SMYD3: variants seen among roughly 807,000 people sequenced by gnomAD.
The protein encoded by SMYD3 is SET and MYND domain containing 3, also known as histone-lysine N-methyltransferase SMYD3.
A neutral mutation model predicts 57.7 loss-of-function variants in SMYD3; 36 were observed. That is an observed-to-expected ratio of 0.62 (90% confidence interval 0.48 to 0.82). The LOEUF (loss-of-function observed/expected upper bound fraction) is 0.82, where lower values mean the gene tolerates loss of function less well. Among genes scored for constraint, SMYD3 ranks in the 40% least tolerant of loss-of-function variants. The pLI, the probability that SMYD3 is intolerant of heterozygous loss-of-function variation, is 0.00. For missense variants in SMYD3, 515 were observed against 538.8 expected (o/e 0.96, Z 0.44); for synonymous variants, 211 against 195.0 (o/e 1.08, Z -0.68).
At chr1:245,997,786 G>A (rs369243875) in intron 5 of SMYD3, among the ~76,000 whole-genome samples, 4 of 152,306 alleles carry the variant, frequency 2.6e-5, no homozygotes, top group African/African-American at 9.6e-5. Flanking sequence ...AAGGGGGAAG[G>A]ACAAAGGCAG....
At chr1:245,949,673 G>A (rs897134764) in intron 5 of SMYD3, among the ~76,000 whole-genome samples, 3 of 152,154 alleles carry the variant, frequency 2.0e-5, no homozygotes, top group African/African-American at 4.8e-5. Flanking sequence ...GCCAGGCGTG[G>A]TGGCACACAC....
At chr1:246,286,102 T>C (rs542861542) in intron 5 of SMYD3, among the ~76,000 whole-genome samples, 1 of 152,190 alleles carries the variant, frequency 6.6e-6, no homozygotes, top group South Asian at 2.1e-4. Context: ...AGAACTAAAG[T>C]AGAACTACCA....
chr1:246,496,463 G>T (rs2103073588), intron 1 of SMYD3, among the ~76,000 whole-genome samples: 1 of 152,154 alleles, frequency 6.6e-6, no homozygotes, highest in African/African-American at 2.4e-5. Context: ...TATTTTTGCT[G>T]CAAATGCTAT....
chr1:245,799,994 C>T (rs547887731), intron 10 of SMYD3, among the ~76,000 whole-genome samples: 218 of 152,360 alleles, frequency 1.4e-3, no homozygotes, highest in African/African-American at 4.8e-3. Context: ...GTGGCATCTG[C>T]ACTTAATAAC....
chr1:246,405,963 G>C (rs916048776), intron 1 of SMYD3, among the ~76,000 whole-genome samples: 2 of 151,322 alleles, frequency 1.3e-5, no homozygotes, highest in African/African-American at 4.9e-5. Context: ...TCTAGAATTA[G>C]ACGGTTTGAG....
intron 1 of SMYD3, among the ~76,000 whole-genome samples, chr1:246,475,378 C>T (rs2068016543): frequency 6.6e-6 from 1 of 151,032 alleles, no homozygotes; most frequent in African/African-American, 2.4e-5. Flanking sequence ...AGCCATGGCT[C>T]ACACCTGTAA....
At chr1:246,053,206 T>G (rs1484018760) in intron 5 of SMYD3, 1 of 152,056 alleles carries the variant, frequency 6.6e-6, no homozygotes, top group African/African-American at 2.4e-5. Context: ...AAAAAAAATT[T>G]TTTTAAAAAA....
chr1:246,269,738 A>T (rs12083380), intron 5 of SMYD3, among the ~76,000 whole-genome samples: 50,745 of 151,460 alleles, frequency 0.34, 9,353 homozygotes, highest in East Asian at 0.72. Flanking sequence ...GGCTCATTTT[A>T]AAAAAAATCT....
intron 5 of SMYD3, among the ~76,000 whole-genome samples, chr1:246,149,802 T>G (rs2061913366): frequency 6.6e-6 from 1 of 152,246 alleles, no homozygotes; most frequent in Admixed American, 6.5e-5. Flanking sequence ...AGATCACGAT[T>G]CTAAGGAGCA....
intron 8 of SMYD3, among the ~76,000 whole-genome samples, chr1:245,905,995 A>G (rs2054536605): frequency 6.6e-6 from 1 of 152,248 alleles, no homozygotes; most frequent in African/African-American, 2.4e-5. Flanking sequence ...AAATAAAATC[A>G]AATGGATTAA....
At chr1:246,167,368 A>T (rs2062234230) in intron 5 of SMYD3, among the ~76,000 whole-genome samples, 1 of 152,190 alleles carries the variant, frequency 6.6e-6, no homozygotes, top group Non-Finnish European at 1.5e-5. Context: ...ACCACACTGT[A>T]CATTCCTATC....
intron 11 of SMYD3, among the ~76,000 whole-genome samples, chr1:245,761,698 G>C (rs947235230): frequency 2.6e-5 from 4 of 151,716 alleles, no homozygotes; most frequent in African/African-American, 9.7e-5. Context: ...CAGTCTAGAG[G>C]AAAAGAGCAG....
At chr1:245,886,520 T>C (rs900989567) in intron 8 of SMYD3, among the ~76,000 whole-genome samples, 5 of 152,124 alleles carry the variant, frequency 3.3e-5, no homozygotes, top group African/African-American at 9.7e-5. Flanking sequence ...TAATCTTTAA[T>C]AGAAGCACCC....
At chr1:246,032,327 T>A (rs963615844) in intron 5 of SMYD3, among the ~76,000 whole-genome samples, 1 of 152,194 alleles carries the variant, frequency 6.6e-6, no homozygotes, top group Non-Finnish European at 1.5e-5. Flanking sequence ...GTACCTGTCA[T>A]GATCAGGTCA....
At chr1:246,312,040 T>C (rs1303200147) in intron 5 of SMYD3, among the ~76,000 whole-genome samples, 1 of 152,040 alleles carries the variant, frequency 6.6e-6, no homozygotes. Context: ...ATGCAAGCCA[T>C]GGAGGAAAAG....
chr1:246,462,566 C>G (rs2067818630), intron 1 of SMYD3, among the ~76,000 whole-genome samples: 2 of 152,146 alleles, frequency 1.3e-5, no homozygotes. Context: ...CTGGGCGCAT[C>G]CCTTGACCCC....
chr1:245,911,794 G>A (rs1386620314), intron 8 of SMYD3, among the ~76,000 whole-genome samples: 4 of 151,994 alleles, frequency 2.6e-5, no homozygotes, highest in African/African-American at 7.3e-5. Flanking sequence ...AGCTCAATAG[G>A]AGGAGTAAGA....
chr1:245,781,693 T>C (rs1011706893), intron 10 of SMYD3, among the ~76,000 whole-genome samples: 5 of 152,186 alleles, frequency 3.3e-5, no homozygotes, highest in African/African-American at 9.7e-5. Flanking sequence ...AAAGAAAATA[T>C]GTCTGGGCCA....
intron 5 of SMYD3, among the ~76,000 whole-genome samples, chr1:246,114,824 G>T (rs1213063862): frequency 6.6e-6 from 1 of 152,160 alleles, no homozygotes; most frequent in African/African-American, 2.4e-5. Context: ...TAGAGACGGG[G>T]TTTCACCATG....
Sources: allele counts gnomAD v4.1 joint callset (sites outside exome capture counted in the v4.1 genomes callset), GRCh38; gene constraint gnomAD v4.1.1; transcripts MANE v1.5; gene names NCBI Gene and HGNC (gene_info 2026-07-23, HGNC 2026-07-21).